Variants in MTCH2 observed in about 807,000 individuals in gnomAD.
MTCH2 encodes the protein mitochondrial carrier 2.
MTCH2 carries 25 observed loss-of-function variants against 50.6 expected under a neutral mutation model. That is an observed-to-expected ratio of 0.49 (90% CI 0.36 to 0.69). The LOEUF (loss-of-function observed/expected upper bound fraction) is 0.69, where lower values mean the gene tolerates loss of function less well. Among genes scored for constraint, MTCH2 ranks in the 30% least tolerant of loss-of-function variants. The pLI, the probability that MTCH2 is intolerant of heterozygous loss-of-function variation, is 0.00. For missense variants in MTCH2, 273 were observed against 384.4 expected (o/e 0.71, Z 2.42); for synonymous variants, 106 against 132.0 (o/e 0.80, Z 1.35).
chr11:47,637,948 T>C (rs2097310192), intron 3 of MTCH2, among the ~76,000 whole-genome samples: 1 of 152,222 alleles, frequency 6.6e-6, no homozygotes, highest in African/African-American at 2.4e-5. Context: ...CTGAATTTCA[T>C]TTTAATTCTT....
At chr11:47,612,220 C>T in the MTCH2 span, among the ~76,000 whole-genome samples, 1 of 152,086 alleles carries the variant, frequency 6.6e-6, no homozygotes, top group Non-Finnish European at 1.5e-5. Context: ...TCAAGACCAG[C>T]CTGGGCAACA....
At chr11:47,623,376 TAAAAAAA>T (rs1159771280) in intron 11 of MTCH2, among the ~76,000 whole-genome samples, 2 of 101,662 alleles carry the variant, frequency 2.0e-5, no homozygotes, top group African/African-American at 7.6e-5. Flanking sequence ...AGTCTTTTTT[TAAAAAAA>T]AAAAAAAAAA....
At chr11:47,612,439 G>A (rs1365743458), downstream of MTCH2, among the ~76,000 whole-genome samples, 1 of 152,074 alleles carries the variant, frequency 6.6e-6, no homozygotes, top group Non-Finnish European at 1.5e-5. Flanking sequence ...GTGGTGGCGG[G>A]CACCTGTAGT....
At chr11:47,604,507 C>T in the MTCH2 span, among the ~76,000 whole-genome samples, 1 of 152,256 alleles carries the variant, frequency 6.6e-6, no homozygotes. Flanking sequence ...AGATGTTTTT[C>T]AGATACATGC....
intron 5 of MTCH2, among the ~76,000 whole-genome samples, chr11:47,634,445 G>T (rs2097306584): frequency 6.6e-6 from 1 of 152,176 alleles, no homozygotes. Flanking sequence ...TCTAAAGACG[G>T]AATGTGTGGG....
the MTCH2 span, among the ~76,000 whole-genome samples, chr11:47,610,872 A>G: frequency 3.3e-5 from 5 of 152,208 alleles, no homozygotes; most frequent in Admixed American, 6.5e-5. Context: ...CAAAGCCACA[A>G]TCGGAGCCGC....
At chr11:47,642,287 AGGCCCGCAAGGCTGAGCC>A in intron 1 of MTCH2, 74 bp downstream of exon 1, 1 of 1,099,312 alleles carries the variant, frequency 9.1e-7, no homozygotes, top group Non-Finnish European at 1.3e-6. Context: ...GGAGAATGAA[AGGCCCGCAAGGCTGAGCC>A]GATCCTCAGG....
At chr11:47,605,519 G>C in the MTCH2 span, among the ~76,000 whole-genome samples, 1 of 151,846 alleles carries the variant, frequency 6.6e-6, no homozygotes, top group African/African-American at 2.4e-5. Context: ...TTAGAATCTT[G>C]ACTTTGAAAT....
chr11:47,614,035 G>A (rs985083188), downstream of MTCH2, among the ~76,000 whole-genome samples: 1 of 151,872 alleles, frequency 6.6e-6, no homozygotes, highest in African/African-American at 2.4e-5. Flanking sequence ...GCAGTGAGCC[G>A]AGATCAGCCA....
At chr11:47,640,788 ATGT>A (rs2097313412) in intron 1 of MTCH2, among the ~76,000 whole-genome samples, 1 of 152,118 alleles carries the variant, frequency 6.6e-6, no homozygotes, top group African/African-American at 2.4e-5. Flanking sequence ...CAACACATAG[ATGT>A]TGTGAAATCA....
At chr11:47,637,391 A>C (rs969978553) in intron 3 of MTCH2, among the ~76,000 whole-genome samples, 6 of 152,180 alleles carry the variant, frequency 3.9e-5, no homozygotes, top group African/African-American at 1.4e-4. Context: ...TTAGGGCAAG[A>C]CTCTTTTCTT....
chr11:47,611,388 G>A, the MTCH2 span, among the ~76,000 whole-genome samples: 1 of 152,230 alleles, frequency 6.6e-6, no homozygotes, highest in Non-Finnish European at 1.5e-5. Flanking sequence ...TCTGATGCCA[G>A]AAGGGCAGGG....
chr11:47,621,577 C>A (rs955053143), intron 12 of MTCH2, among the ~76,000 whole-genome samples: 40 of 151,996 alleles, frequency 2.6e-4, no homozygotes, highest in African/African-American at 9.2e-4. Flanking sequence ...GGACTACAGG[C>A]ACACGCTGCT....
At chr11:47,639,988 T>C (rs570346898) in intron 1 of MTCH2, among the ~76,000 whole-genome samples, 1 of 152,308 alleles carries the variant, frequency 6.6e-6, no homozygotes, top group Admixed American at 6.5e-5. Flanking sequence ...GAATGAATGC[T>C]GTAGGACATA....
At chr11:47,628,126 T>C (rs1346833598) in intron 9 of MTCH2, among the ~76,000 whole-genome samples, 1 of 152,172 alleles carries the variant, frequency 6.6e-6, no homozygotes, top group Non-Finnish European at 1.5e-5. Flanking sequence ...TCATATACCC[T>C]GTGATGTGTT....
At chr11:47,616,467 C>T (rs1229843998), downstream of MTCH2, among the ~76,000 whole-genome samples, 5 of 152,050 alleles carry the variant, frequency 3.3e-5, no homozygotes, top group African/African-American at 9.7e-5. Context: ...CTGCCTCAGC[C>T]TCCTGAACTA....
chr11:47,607,431 C>T, the MTCH2 span, among the ~76,000 whole-genome samples: 1 of 152,180 alleles, frequency 6.6e-6, no homozygotes, highest in African/African-American at 2.4e-5. Context: ...AACAGTCCAG[C>T]TCTGAGAAGA....
At chr11:47,614,769 G>T (rs893916108), downstream of MTCH2, among the ~76,000 whole-genome samples, 3 of 152,102 alleles carry the variant, frequency 2.0e-5, no homozygotes, top group Non-Finnish European at 2.9e-5. Flanking sequence ...GTAGAGATGG[G>T]GTTTCACCAT....
intron 3 of MTCH2, 147 bp from the exon 4 acceptor site, chr11:47,635,718 T>A: frequency 1.5e-6 from 1 of 681,420 alleles, no homozygotes; most frequent in South Asian, 2.0e-5. Context: ...AAATCTTCAG[T>A]TAACTTCTAC....
Sources: gnomAD v4.1 joint callset for allele counts (sites outside exome capture counted in the v4.1 genomes callset) on GRCh38, gnomAD v4.1.1 for gene constraint, MANE v1.5 for transcripts, NCBI Gene and HGNC (gene_info 2026-07-23, HGNC 2026-07-21) for gene names.